ARHGAP21: variants seen among roughly 807,000 people sequenced by gnomAD.
ARHGAP21 encodes the protein rho GTPase-activating protein 21.
In ARHGAP21, 38 loss-of-function variants were observed where a neutral mutation model predicts 164.6. The observed-to-expected ratio is 0.23, with a 90% CI of 0.18 to 0.30. ARHGAP21 has a LOEUF of 0.30. ARHGAP21 is among the 10% of genes least tolerant of loss of function. The pLI is 1.00. For missense variants in ARHGAP21, 1,822 were observed against 2,370.7 expected (o/e 0.77, Z 4.81); for synonymous variants, 766 against 857.9 (o/e 0.89, Z 1.87).
chr10:24,694,981 G>A (rs1256648147), intron 2 of ARHGAP21, among the ~76,000 whole-genome samples: 2 of 133,588 alleles, frequency 1.5e-5, no homozygotes, highest in East Asian at 2.3e-4. Flanking sequence ...AACCTGGGAG[G>A]TGGAGGTTGC....
At chr10:24,640,844 G>GA (rs2131424584) in intron 4 of ARHGAP21, among the ~76,000 whole-genome samples, 2 of 151,924 alleles carry the variant, frequency 1.3e-5, no homozygotes, top group East Asian at 3.9e-4. Flanking sequence ...ATCTATTAAG[G>GA]AAAAAAACAA....
intron 9 of ARHGAP21, among the ~76,000 whole-genome samples, chr10:24,610,609 T>G (rs1291226614): frequency 6.6e-6 from 1 of 152,198 alleles, no homozygotes; most frequent in Admixed American, 6.5e-5. Context: ...ATTATTCAAT[T>G]TGGATTTTTT....
In ARHGAP21 at chr10:24,607,572, G is replaced by A. The variant is rs2077081751; in HGVS notation, c.2611C>T (p.Gln871Ter). ...GATCTTTCTGTCTTTGAGTTGGGCT[G>A]AGCATCCAGGCTAGGAGGGCCAACA... ...ESVGPPSLDAQPNSKTERSKS... is the reference protein window; with the variant it reads ...ESVGPPSLDA Residue 871 changes from glutamine (Q) to a stop codon, truncating the protein, a stop_gained, in exon 11 of 26, where the codon CAG becomes TAG. Transcript: ENST00000396432. LOFTEE classifies it high-confidence loss of function. 6.2e-7 allele frequency: 1 copy of A among 1,614,078 alleles called. No individual in the cohort carries two copies. The highest frequency in any genetic ancestry group is 8.5e-7 in the Non-Finnish European group (1 of 1,180,022).
intron 4 of ARHGAP21, among the ~76,000 whole-genome samples, chr10:24,664,568 AAT>A (rs1565125274): frequency 8.3e-4 from 122 of 146,192 alleles, no homozygotes; most frequent in Non-Finnish European, 1.3e-3. Flanking sequence ...AAAAAAAAAT[AAT>A]AATAATAATA....
intron 4 of ARHGAP21, among the ~76,000 whole-genome samples, chr10:24,648,085 C>CA (rs1837756326): frequency 6.6e-6 from 1 of 152,136 alleles, no homozygotes; most frequent in Non-Finnish European, 1.5e-5. Flanking sequence ...GTGATCCACC[C>CA]ACCCCGGCCT....
intron 9 of ARHGAP21, among the ~76,000 whole-genome samples, chr10:24,608,421 C>T (rs550674730): frequency 4.7e-4 from 72 of 152,176 alleles, no homozygotes; most frequent in African/African-American, 1.6e-3. Context: ...AATAAGTTTC[C>T]AGGGCCATTT....
At chr10:24,661,198 C>T (rs1411245457) in intron 4 of ARHGAP21, among the ~76,000 whole-genome samples, 1 of 150,226 alleles carries the variant, frequency 6.7e-6, no homozygotes, top group South Asian at 2.1e-4. Flanking sequence ...TAAGGGAATA[C>T]AGGATGTCAG....
At chr10:24,643,493 T>G (rs973903779) in intron 4 of ARHGAP21, among the ~76,000 whole-genome samples, 1 of 152,220 alleles carries the variant, frequency 6.6e-6, no homozygotes, top group African/African-American at 2.4e-5. Flanking sequence ...TCCATTCTTC[T>G]AAACTATCAG....
chr10:24,596,946 T>G (rs2076609595), intron 16 of ARHGAP21, 64 bp from the exon 17 acceptor site: 1 of 1,512,434 alleles, frequency 6.6e-7, no homozygotes, highest in African/African-American at 1.4e-5. Flanking sequence ...AAATCATGAC[T>G]TTAAAAACAC....
In ARHGAP21 at chr10:24,619,821, G is replaced by A; in HGVS notation, c.2074C>T (p.Pro692Ser). 1 of 1,614,160 alleles carries A rather than the reference G, an allele frequency of 6.2e-7. No individual in the cohort carries two copies. Among genetic ancestry groups the A allele is most frequent in the Non-Finnish European group, 8.5e-7 (1 of 1,180,024 alleles). ...SPSLSGASAK[P>S]APQSSENAGT... ...GCGTTTTCACTCGACTGAGGGGCAGGCTTGGCAGAGGCTCCAGATAAAGAG... is the reference window on the plus strand; with the variant it reads ...GCGTTTTCACTCGACTGAGGGGCAGACTTGGCAGAGGCTCCAGATAAAGAG... The change falls in exon 9 of 26, where the codon CCT (proline) becomes TCT (serine). Residue 692 changes from proline (P) to serine (S), a missense_variant. By Grantham distance (74) the Pro-to-Ser change is moderately conservative. This residue lies in a region of ARHGAP21 where 1,090 missense variants were observed against 1,378.9 expected (regional missense o/e 0.79). Transcript: ENST00000396432.
At chr10:24,712,270 A>G (rs1346909803) in intron 2 of ARHGAP21, among the ~76,000 whole-genome samples, 1 of 152,076 alleles carries the variant, frequency 6.6e-6, no homozygotes, top group African/African-American at 2.4e-5. Context: ...CTTACAAGAG[A>G]AAGGCAGATG....
chr10:24,614,554 A>T (rs1161102146), intron 9 of ARHGAP21, among the ~76,000 whole-genome samples: 1 of 152,054 alleles, frequency 6.6e-6, no homozygotes, highest in Non-Finnish European at 1.5e-5. Context: ...GCACTTTGGG[A>T]GGTTGAGGCA....
At chr10:24,656,328 C>G (rs1466191110) in intron 4 of ARHGAP21, among the ~76,000 whole-genome samples, 4 of 102,032 alleles carry the variant, frequency 3.9e-5, no homozygotes, top group Non-Finnish European at 6.1e-5. Flanking sequence ...CCACCCCGTC[C>G]GGGAGGGAGA....
chr10:24,602,232 C>A, intron 12 of ARHGAP21, 129 bp from the exon 13 acceptor site: 1 of 1,059,230 alleles, frequency 9.4e-7, no homozygotes, highest in Non-Finnish European at 1.3e-6. Flanking sequence ...AAAATCCTAA[C>A]TTTATCTTTT....
At chr10:24,673,562 C>T (rs1369038745) in intron 2 of ARHGAP21, among the ~76,000 whole-genome samples, 1 of 152,170 alleles carries the variant, frequency 6.6e-6, no homozygotes, top group African/African-American at 2.4e-5. Context: ...AAAATTAACT[C>T]AAATGATCAT....
At chr10:24,590,740 T>G (rs2076291349) in intron 24 of ARHGAP21, 1 of 985,036 alleles carries the variant, frequency 1.0e-6, no homozygotes, top group Admixed American at 6.2e-5. Flanking sequence ...ATACACTGTA[T>G]TTATGAAAAT....
At chr10:24,695,140 C>T (rs1843069180) in intron 2 of ARHGAP21, among the ~76,000 whole-genome samples, 1 of 146,392 alleles carries the variant, frequency 6.8e-6, no homozygotes, top group Non-Finnish European at 1.5e-5. Context: ...TCTCCCAATT[C>T]CTAAATGGAT....
intron 11 of ARHGAP21, 58 bp from the exon 12 acceptor site, chr10:24,604,406 G>GTAA: frequency 8.2e-7 from 1 of 1,222,222 alleles, no homozygotes; most frequent in African/African-American, 1.5e-5. Flanking sequence ...TCTTAAAGAT[G>GTAA]TAAGAATAAT....
At chr10:24,692,136 A>T (rs1037805379) in intron 2 of ARHGAP21, among the ~76,000 whole-genome samples, 33 of 152,286 alleles carry the variant, frequency 2.2e-4, no homozygotes, top group African/African-American at 7.5e-4. Flanking sequence ...TTATTACTGA[A>T]GTCTAGTAGA....
Sources: allele counts gnomAD v4.1 joint callset (sites outside exome capture counted in the v4.1 genomes callset), GRCh38; gene constraint gnomAD v4.1.1; regional missense constraint gnomAD v4.1.1; transcripts MANE v1.5; gene names NCBI Gene and HGNC (gene_info 2026-07-23, HGNC 2026-07-21).